VPS52: variants seen among roughly 807,000 people sequenced by gnomAD.
VPS52 encodes vacuolar protein sorting-associated protein 52 homolog.
Under a neutral mutation model 98.7 loss-of-function variants are expected in VPS52, and 56 were observed. The ratio of observed to expected loss-of-function variants is 0.57; its 90% CI spans 0.46 to 0.71. VPS52 has a LOEUF of 0.71. Ranked by LOEUF, VPS52 falls within the 30% of genes least tolerant of loss-of-function variation. VPS52 has a pLI of 0.00. For missense variants in VPS52, 742 were observed against 925.9 expected (o/e 0.80, Z 2.58); for synonymous variants, 348 against 346.4 (o/e 1.00, Z -0.05).
At position 33,271,597 on chromosome 6, in the gene VPS52, C is replaced by G; in HGVS notation, c.79G>C (p.Glu27Gln). 1 of 1,609,012 alleles carries G rather than the reference C, an allele frequency of 6.2e-7. No homozygotes were observed. The highest frequency in any genetic ancestry group is 8.5e-7 in the Non-Finnish European group (1 of 1,177,982). ...RAGTSDMEEEEGPLAGGPGLQ... is the reference protein window; with the variant it reads ...RAGTSDMEEEQGPLAGGPGLQ... ...CTCCGCGCTCTCACCAGCGGGCCCT[C>G]TTCCTCCTCCATATCTGAGGTCCCA... Residue 27 changes from glutamate (E) to glutamine (Q), a missense_variant, in exon 1 of 20, where the codon GAG (glutamate) becomes CAG (glutamine). This residue lies in a region of VPS52 where 152 missense variants were observed against 132.6 expected (regional missense o/e 1.15). Coordinates refer to ENST00000445902, the MANE Select transcript of VPS52 (RefSeq NM_022553.6).
chr6:33,263,832 T>C lies in VPS52; in HGVS notation c.1668A>G (p.Ser556=), dbSNP rs772935565. The change falls in exon 16 of 20, where the codon TCA becomes TCG. Residue 556 remains serine, a synonymous_variant. Transcript: ENST00000445902. Reference sequence around the variant, plus strand: ...TCAGAAACACAAGCTGCTCCTTCCTTGAGGAGAACTCAGCTGCCACTCGGA... The same window carrying C: ...TCAGAAACACAAGCTGCTCCTTCCTCGAGGAGAACTCAGCTGCCACTCGGA... ...FVLRVAAEFS[S]RKEQLVFLIN... is the part of the protein sequence containing the mutation. 32 of 1,614,032 alleles carry C rather than the reference T, an allele frequency of 2.0e-5. No individual in the cohort carries two copies. The highest frequency in any genetic ancestry group is 2.5e-5 in the Non-Finnish European group (30 of 1,180,016).
intron 17 of VPS52, among the ~76,000 whole-genome samples, chr6:33,259,095 G>A (rs996848874): frequency 2.6e-5 from 4 of 152,138 alleles, no homozygotes; most frequent in Admixed American, 2.6e-4. Context: ...GAAGAGTACT[G>A]TAAACAGTTG....
Position 33,263,403 on chromosome 6 carries a change from A to C in VPS52, c.1794+81T>G. Reference sequence around the variant, plus strand: ...ACTCCCTACACACACACACACACACACACACACACACAGAGAGAGAGAGAG... The same window carrying C: ...ACTCCCTACACACACACACACACACCCACACACACACAGAGAGAGAGAGAG... On this transcript the variant is annotated intron_variant, in intron 17 of 19. Coordinates refer to ENST00000445902, the MANE Select transcript of VPS52 (RefSeq NM_022553.6). 2.9e-6 allele frequency: 4 copies of C among 1,358,240 alleles called. No individual in the cohort carries two copies. In the Admixed American group the frequency reaches 7.1e-5, roughly 24 times the overall value. The allele number at this position is 1,358,240 out of a possible 1,614,324, so 84.1% of individuals were successfully genotyped here.
At chr6:33,252,025 C>G in intron 17 of VPS52, 54 bp from the exon 18 acceptor site, 3 of 1,449,738 alleles carry the variant, frequency 2.1e-6, no homozygotes, top group Non-Finnish European at 2.9e-6. Flanking sequence ...CAGATTTGCC[C>G]AATTCTGGCA....
chr6:33,266,077 G>T (rs1449701150), intron 12 of VPS52, among the ~76,000 whole-genome samples: 1 of 151,226 alleles, frequency 6.6e-6, no homozygotes, highest in Non-Finnish European at 1.5e-5. Flanking sequence ...GGTCAGGCTG[G>T]TCTCAAACTC....
At position 33,267,608 on chromosome 6, in the gene VPS52, G is replaced by C; in HGVS notation, c.991+74C>G. ...GTCCCATAGGAAAAGGTAAGGAGCAGTGCATTGGTGGCTGGAGTCGAAAGT... is the reference window on the plus strand; with the variant it reads ...GTCCCATAGGAAAAGGTAAGGAGCACTGCATTGGTGGCTGGAGTCGAAAGT... On this transcript the variant is annotated intron_variant, in intron 10 of 19. Transcript: ENST00000445902. This position sits in a 1 kb window ranked among gnomAD's most constrained non-coding sequence, Gnocchi z 4.2. 1 of 1,545,972 alleles carries C rather than the reference G, an allele frequency of 6.5e-7. No homozygotes were observed. The highest frequency in any genetic ancestry group is 8.9e-7 in the Non-Finnish European group (1 of 1,121,940).
chr6:33,250,874 C>T lies in VPS52; in HGVS notation c.2139G>A (p.Met713Ile). The change falls in exon 20 of 20, where the codon ATG becomes ATA. Residue 713 changes from methionine to isoleucine, a missense_variant. Physicochemically the swap from Met to Ile is conservative, Grantham distance 10 (BLOSUM62 1). Transcript: ENST00000445902. ...TGGGCTTATGCTTCTTGAGCTCCAC[C>T]ATAAGGTGGTGAATGTTGATGAGCT... ...RAELINIHHL[M>I]VELKKHKPNF 6.2e-7 allele frequency: 1 copy of T among 1,612,996 alleles called. No homozygotes were observed. The highest frequency in any genetic ancestry group is 8.5e-7 in the Non-Finnish European group (1 of 1,180,020).
At position 33,264,437 on chromosome 6, in the gene VPS52, A is replaced by G; in HGVS notation, c.1461T>C (p.Asn487=). Residue 487 remains asparagine (N), a synonymous_variant, in exon 14 of 20, where the codon AAT becomes AAC. Transcript: ENST00000445902. Reference sequence around the variant, plus strand: ...GGTCAGTGCTTCGGACGCTCTGAACATTCATCTCCAGGATCAGTTCAAACC... The same window carrying G: ...GGTCAGTGCTTCGGACGCTCTGAACGTTCATCTCCAGGATCAGTTCAAACC... The part of the protein sequence containing the change: ...WPRFELILEM[N]VQSVRSTDPQ... 1.9e-6 allele frequency: 3 copies of G among 1,614,144 alleles called. 1 individual carries two copies. Among genetic ancestry groups the G allele is most frequent in the East Asian group, 2.2e-5 (1 of 44,876 alleles).
intron 1 of VPS52, 30 bp downstream of exon 1, chr6:33,271,556 T>C (rs1765084908): frequency 6.3e-7 from 1 of 1,577,502 alleles, no homozygotes; most frequent in Non-Finnish European, 8.6e-7. Flanking sequence ...GCACCGGAAC[T>C]ACGGAGGAGA....
intron 5 of VPS52, 46 bp downstream of exon 5, chr6:33,269,444 T>G (rs1764728637): frequency 2.6e-5 from 42 of 1,610,732 alleles, no homozygotes; most frequent in Non-Finnish European, 3.6e-5. Flanking sequence ...GAGTCCATGA[T>G]CTGGTTCAGA....
chr6:33,254,275 G>GTAAATAAA (rs550435201), intron 17 of VPS52, among the ~76,000 whole-genome samples: 4 of 151,734 alleles, frequency 2.6e-5, no homozygotes, highest in Non-Finnish European at 4.4e-5. Flanking sequence ...ACTTGTCTCA[G>GTAAATAAA]TAAATAAATA....
rs763980037 is a variant in VPS52, at chr6:33,264,074, G to A, written c.1554C>T (p.Ser518=). 2.6e-5 allele frequency: 42 copies of A among 1,614,084 alleles called. No homozygotes were observed. Among genetic ancestry groups the A allele is most frequent in the South Asian group, 6.6e-5 (6 of 91,090 alleles). The part of the protein sequence containing the change: ...YITRRYAEFS[S]ALVSINQTIP... Reference sequence around the variant, plus strand: ...TTGTCTGGTTGATACTGACAAGAGCGGAGGAGAACTCTGCATAGCGGCGTG... The same window carrying A: ...TTGTCTGGTTGATACTGACAAGAGCAGAGGAGAACTCTGCATAGCGGCGTG... Residue 518 remains serine, a synonymous_variant, in exon 15 of 20, where the codon TCC becomes TCT. Coordinates refer to ENST00000445902, the MANE Select transcript of VPS52 (RefSeq NM_022553.6).
At chr6:33,264,310 C>T in intron 14 of VPS52, 64 bp downstream of exon 14, 1 of 1,595,088 alleles carries the variant, frequency 6.3e-7, no homozygotes, top group Non-Finnish European at 8.5e-7. Context: ...CCTTGGCCAA[C>T]CCCCACAATG....
Position 33,268,791 on chromosome 6 carries a change from G to C in VPS52, c.549-142C>G. On this transcript the variant is annotated intron_variant, in intron 6 of 19. Coordinates refer to ENST00000445902, the MANE Select transcript of VPS52 (RefSeq NM_022553.6). The surrounding 1 kb of genome is among the most constrained non-coding windows in gnomAD (Gnocchi z 4.0). ...CATATAGTCAGGACACATGTACAAA[G>C]TTTTCTATTCCTGGACCTCCCCACT... 1 of 1,206,186 alleles carries C rather than the reference G, an allele frequency of 8.3e-7. No individual in the cohort carries two copies. The highest frequency in any genetic ancestry group is 2.8e-5 in the Admixed American group (1 of 35,210). The allele number at this position is 1,206,186 out of a possible 1,614,324, so 74.7% of individuals were successfully genotyped here.
rs1764069379 is a variant in VPS52 at position 33,264,609 on chromosome 6, G to A, written c.1401-112C>T. 2.6e-6 allele frequency: 4 copies of A among 1,529,604 alleles called. No homozygotes were observed. The East Asian group carries it at 9.0e-5, about 35-fold the overall frequency. 94.8% of individuals were successfully genotyped at this position (1,529,604 alleles called of 1,614,324 possible). ...TCAATAGCTAGTTGTGGGGGTTGGG[G>A]GGCAGTGGTTGGAGAAAGGTGAGTC... is the stretch of plus-strand genomic sequence containing the variant. On this transcript the variant is annotated intron_variant, in intron 13 of 19. Coordinates refer to ENST00000445902, the MANE Select transcript of VPS52 (RefSeq NM_022553.6).
chr6:33,270,131 C>CCTTATT, intron 2 of VPS52, 68 bp downstream of exon 2: 1 of 1,612,682 alleles, frequency 6.2e-7, no homozygotes, highest in Non-Finnish European at 8.5e-7. Flanking sequence ...CCAATCCCTA[C>CCTTATT]CTTATTCCTT....
intron 1 of VPS52, 147 bp from the exon 2 acceptor site, chr6:33,270,430 G>C (rs1021392723): frequency 1.4e-6 from 1 of 691,530 alleles, no homozygotes; most frequent in Non-Finnish European, 2.3e-6. Flanking sequence ...AGAGTCTCAC[G>C]TTGTACCCAC....
intron 17 of VPS52, among the ~76,000 whole-genome samples, chr6:33,256,277 A>T (rs1269061951): frequency 3.3e-5 from 5 of 151,754 alleles, no homozygotes; most frequent in Non-Finnish European, 7.4e-5. Context: ...CACTACAAAA[A>T]ATTAAATTTT....
In VPS52 at chr6:33,268,235, C is replaced by A. The variant is rs779573714; in HGVS notation, c.700-27G>T. On this transcript the variant is annotated intron_variant, in intron 7 of 19. Coordinates refer to ENST00000445902, the MANE Select transcript of VPS52 (RefSeq NM_022553.6). This position sits in a 1 kb window ranked among gnomAD's most constrained non-coding sequence, Gnocchi z 4.0. ...TAGATGTGGGGAACCAAACACAGGG[C>A]ATGAAGCTGCAACCCTTTTGCTGTA... 2 of 1,608,756 alleles carry A rather than the reference C, an allele frequency of 1.2e-6. No homozygotes were observed. Among genetic ancestry groups the A allele is most frequent in the East Asian group, 2.2e-5 (1 of 44,866 alleles).
Sources: allele counts gnomAD v4.1 joint callset (sites outside exome capture counted in the v4.1 genomes callset), GRCh38; gene constraint gnomAD v4.1.1; regional missense constraint gnomAD v4.1.1; non-coding constraint Gnocchi (gnomAD v3.1); transcripts MANE v1.5; gene names NCBI Gene and HGNC (gene_info 2026-07-23, HGNC 2026-07-21).